Variants in DCPS observed in about 807,000 individuals in gnomAD.
The protein encoded by DCPS is decapping enzyme, scavenger.
DCPS carries 27 observed loss-of-function variants against 34.7 expected under a neutral mutation model. The ratio of observed to expected loss-of-function variants is 0.78; its 90% CI spans 0.57 to 1.07. The LOEUF (loss-of-function observed/expected upper bound fraction) is 1.07, where lower values mean the gene tolerates loss of function less well. Among genes scored for constraint, DCPS ranks in the 50% least tolerant of loss-of-function variants. The pLI is 0.00. For missense variants in DCPS, 464 were observed against 436.9 expected, an observed-to-expected ratio of 1.06 and a Z score of -0.55; for synonymous variants, 185 against 185.7, an observed-to-expected ratio of 1.00 and a Z score of 0.03.
In DCPS at chr11:126,335,736, G is replaced by A. The variant is rs1417411145; in HGVS notation, c.523-2550G>A. ...AGGTCAGGAGTTTGAGACCAGCCTGGCCAACATGACGCAACCCATCTCTAC... is the reference window on the plus strand; with the variant it reads ...AGGTCAGGAGTTTGAGACCAGCCTGACCAACATGACGCAACCCATCTCTAC... On this transcript the variant is annotated intron_variant, in intron 3 of 5. Transcript: ENST00000263579. This position sits in a 1 kb window ranked among gnomAD's most constrained non-coding sequence, Gnocchi z 4.8. Among the ~76,000 whole-genome samples, 1 of 152,182 alleles carries A rather than the reference G, an allele frequency of 6.6e-6. No individual in the cohort carries two copies. Among genetic ancestry groups the A allele is most frequent in the Non-Finnish European group, 1.5e-5 (1 of 68,044 alleles).
At chr11:126,316,645 C>T (rs1233584781) in intron 2 of DCPS, among the ~76,000 whole-genome samples, 1 of 75,928 alleles carries the variant, frequency 1.3e-5, no homozygotes, top group African/African-American at 8.5e-5. Context: ...AGCTGAAGTA[C>T]ATTTTTTTTT....
Position 126,325,509 on chromosome 11 carries a change from A to C in DCPS, c.377-5896A>C, listed in dbSNP as rs1315929219. ...TAGTAGAAGTTAAAAGTCAAGTAGG[A>C]ACAAGATATAAAAGTATAATTTAGA... On this transcript the variant is annotated intron_variant, in intron 2 of 5. Coordinates refer to ENST00000263579, the MANE Select transcript of DCPS (RefSeq NM_014026.6). This position sits in a 1 kb window ranked among gnomAD's most constrained non-coding sequence, Gnocchi z 4.3. Among the ~76,000 whole-genome samples the C allele has an allele frequency of 1.3e-5, 2 of 152,220 alleles. No individual in the cohort carries two copies. The highest frequency in any genetic ancestry group is 2.9e-5 in the Non-Finnish European group (2 of 68,036).
chr11:126,326,441 C>T (rs780604637), intron 2 of DCPS, among the ~76,000 whole-genome samples: 2 of 152,144 alleles, frequency 1.3e-5, no homozygotes, highest in African/African-American at 4.8e-5. Flanking sequence ...ATGTAAAATG[C>T]AATCATAATA....
In DCPS at chr11:126,315,343, T is replaced by C. The variant is rs550792299; in HGVS notation, c.376+8599T>C. ...GGGAGGCCGAGGCAGGTGGATCATTTGAGGTCAGGAGTTCGAGACCAGCCT... is the reference window on the plus strand; with the variant it reads ...GGGAGGCCGAGGCAGGTGGATCATTCGAGGTCAGGAGTTCGAGACCAGCCT... On this transcript the variant is annotated intron_variant, in intron 2 of 5. Transcript: ENST00000263579. This position sits in a 1 kb window ranked among gnomAD's most constrained non-coding sequence, Gnocchi z 6.1. Among the ~76,000 whole-genome samples the C allele has an allele frequency of 3.3e-5, 5 of 152,068 alleles. No homozygotes were observed. Among genetic ancestry groups the C allele is most frequent in the Non-Finnish European group, 7.3e-5 (5 of 68,028 alleles).
chr11:126,318,224 T>G (rs1215158520), intron 2 of DCPS, among the ~76,000 whole-genome samples: 3 of 152,226 alleles, frequency 2.0e-5, no homozygotes, highest in Non-Finnish European at 4.4e-5. Flanking sequence ...GTTAGAGGCT[T>G]GCTGTGGAGT....
chr11:126,310,407 C>CCAGG (rs1470027420), intron 2 of DCPS, among the ~76,000 whole-genome samples: 1 of 152,196 alleles, frequency 6.6e-6, no homozygotes, highest in Non-Finnish European at 1.5e-5. Flanking sequence ...GTCTCATGTG[C>CCAGG]CAGGCCCTAT....
intron 2 of DCPS, among the ~76,000 whole-genome samples, chr11:126,316,246 A>G (rs1951657649): frequency 6.6e-6 from 1 of 152,042 alleles, no homozygotes; most frequent in Non-Finnish European, 1.5e-5. Context: ...AAGCTTGTCC[A>G]ACCCGCAGCC....
In DCPS at chr11:126,344,957, T is replaced by G. The variant is rs1951905648; in HGVS notation, c.748-390T>G. On this transcript the variant is annotated intron_variant, in intron 5 of 5. Coordinates refer to ENST00000263579, the MANE Select transcript of DCPS (RefSeq NM_014026.6). The surrounding 1 kb of genome is among the most constrained non-coding windows in gnomAD (Gnocchi z 8.1). ...GGCTTCCTCCCATCCACTTCATGAC[T>G]GATGAAATGCTTCTAAATCATGAAA... 6.6e-6 allele frequency among the ~76,000 whole-genome samples: 1 copy of G among 152,206 alleles called. No homozygotes were observed. Among genetic ancestry groups the G allele is most frequent in the East Asian group, 1.9e-4 (1 of 5,192 alleles).
rs1951827795 is a variant in DCPS, at chr11:126,335,728, C to A, written c.523-2558C>A. 6.6e-6 allele frequency among the ~76,000 whole-genome samples: 1 copy of A among 152,190 alleles called. No individual in the cohort carries two copies. The highest frequency in any genetic ancestry group is 2.4e-5 in the African/African-American group (1 of 41,450). On this transcript the variant is annotated intron_variant, in intron 3 of 5. Coordinates refer to ENST00000263579, the MANE Select transcript of DCPS (RefSeq NM_014026.6). The surrounding 1 kb of genome is among the most constrained non-coding windows in gnomAD (Gnocchi z 4.8). ...TTCACTTGAGGTCAGGAGTTTGAGA[C>A]CAGCCTGGCCAACATGACGCAACCC...
At chr11:126,311,104 G>A (rs635686) in intron 2 of DCPS, among the ~76,000 whole-genome samples, 7 of 152,126 alleles carry the variant, frequency 4.6e-5, no homozygotes, top group African/African-American at 1.7e-4. Flanking sequence ...GAGGCTGCTC[G>A]TGTGAGCCAC....
At chr11:126,321,526 C>T (rs1338692583) in intron 2 of DCPS, among the ~76,000 whole-genome samples, 1 of 152,156 alleles carries the variant, frequency 6.6e-6, no homozygotes, top group African/African-American at 2.4e-5. Context: ...AAAACCTAAA[C>T]TATTGAGGTT....
chr11:126,343,489 C>G (rs1044673126), intron 5 of DCPS, 72 bp downstream of exon 5: 3 of 1,234,272 alleles, frequency 2.4e-6, no homozygotes, highest in Non-Finnish European at 2.3e-6. Context: ...TCCTGGGCCC[C>G]TTTCCTCACC....
chr11:126,336,115 C>CAAAA lies in DCPS; in HGVS notation c.523-2155_523-2152dup, dbSNP rs34762229. On this transcript the variant is annotated intron_variant, in intron 3 of 5. Transcript: ENST00000263579. The surrounding 1 kb of genome is among the most constrained non-coding windows in gnomAD (Gnocchi z 6.3). ...TGGGCGAAAGAGCAAGACTCCATCTCAAAAAAAAAAAAAAAAAAATGGCGA... is the reference window on the plus strand; with the variant it reads ...TGGGCGAAAGAGCAAGACTCCATCTCAAAAAAAAAAAAAAAAAAAAAAATGGCGA... Among the ~76,000 whole-genome samples the CAAAA allele has an allele frequency of 9.2e-6, 1 of 109,174 alleles. No homozygotes were observed. The highest frequency in any genetic ancestry group is 9.7e-5 in the Admixed American group (1 of 10,312). The allele number at this position is 109,174 out of a possible 152,430, so 71.6% of individuals were successfully genotyped here.
Position 126,343,372 on chromosome 11 carries a change from T to C in DCPS, c.702T>C (p.Thr234=). ...GCATCAGATCCCTACGCGACCTTAC[T>C]CCGGAGCACTTGCCGCTGCTCAGGA... ...RRGIRSLRDL[T]PEHLPLLRNI... is the part of the protein sequence containing the mutation. The change falls in exon 5 of 6, where the codon ACT becomes ACC. Residue 234 remains threonine, a synonymous_variant. Transcript: ENST00000263579. The C allele has an allele frequency of 6.2e-7, 1 of 1,613,986 alleles. No individual in the cohort carries two copies. Among genetic ancestry groups the C allele is most frequent in the Non-Finnish European group, 8.5e-7 (1 of 1,179,980 alleles).
rs1224393276 is a variant in DCPS at position 126,335,786 on chromosome 11, G to A, written c.523-2500G>A. On this transcript the variant is annotated intron_variant, in intron 3 of 5. Coordinates refer to ENST00000263579, the MANE Select transcript of DCPS (RefSeq NM_014026.6). The surrounding 1 kb of genome is among the most constrained non-coding windows in gnomAD (Gnocchi z 4.8). ...CTAAAAATACAAAAATTAGCTGGGT[G>A]TGGTGGCACACGCCTGTAATCCCAG... 1.3e-5 allele frequency among the ~76,000 whole-genome samples: 2 copies of A among 152,182 alleles called. No homozygotes were observed. The highest frequency in any genetic ancestry group is 2.9e-5 in the Non-Finnish European group (2 of 68,034).
In DCPS at chr11:126,312,369, C is replaced by G. The variant is rs943272177; in HGVS notation, c.376+5625C>G. ...TTTATTTATTTTTGGGGCAGAATCTCTCTCTGTCACCCAGGCTGGAGTGCA... is the reference window on the plus strand; with the variant it reads ...TTTATTTATTTTTGGGGCAGAATCTGTCTCTGTCACCCAGGCTGGAGTGCA... On this transcript the variant is annotated intron_variant, in intron 2 of 5. Coordinates refer to ENST00000263579, the MANE Select transcript of DCPS (RefSeq NM_014026.6). This position sits in a 1 kb window ranked among gnomAD's most constrained non-coding sequence, Gnocchi z 5.1. 6.6e-6 allele frequency among the ~76,000 whole-genome samples: 1 copy of G among 151,770 alleles called. No homozygotes were observed. The highest frequency in any genetic ancestry group is 2.4e-5 in the African/African-American group (1 of 41,288).
At position 126,338,140 on chromosome 11, in the gene DCPS, C is replaced by T. The variant is rs373434278; in HGVS notation, c.523-146C>T. 4.6e-4 allele frequency: 324 copies of T among 697,270 alleles called. 1 individual carries two copies. The African/African-American group carries it at 4.8e-3, about 10-fold the overall frequency. The allele number at this position is 697,270 out of a possible 1,614,324, so 43.2% of individuals were successfully genotyped here. A position where few individuals can be genotyped will look rare whatever the true frequency, so the allele number is the denominator to read the frequency against. On this transcript the variant is annotated intron_variant, in intron 3 of 5. Coordinates refer to ENST00000263579, the MANE Select transcript of DCPS (RefSeq NM_014026.6). The surrounding 1 kb of genome is among the most constrained non-coding windows in gnomAD (Gnocchi z 5.4). ...ACAGATGCTTGGGGACAGGGCAGCC[C>T]GGATGTAGATCCTCTGAGCGTGGCG... is the stretch of plus-strand genomic sequence containing the variant.
rs767224377 is a variant in DCPS, at chr11:126,338,420, T to C, written c.636+21T>C. ...AGCAGGTAAAGGTTTCTGGCTGGAA[T>C]GTCCTGATCTCTGGCCACCCTGCTG... On this transcript the variant is annotated intron_variant, in intron 4 of 5. Transcript: ENST00000263579. This position sits in a 1 kb window ranked among gnomAD's most constrained non-coding sequence, Gnocchi z 5.4. The C allele has an allele frequency of 5.0e-6, 8 of 1,608,024 alleles. No individual in the cohort carries two copies. Among genetic ancestry groups the C allele is most frequent in the Non-Finnish European group, 6.8e-6 (8 of 1,174,504 alleles).
rs1286706090 is a variant in DCPS at position 126,335,617 on chromosome 11, C to G, written c.523-2669C>G. ...CCCAGCGTGAACTTCCTTGCACTTG[C>G]ATTCTTCTTAACTGTAAAATGGGGA... On this transcript the variant is annotated intron_variant, in intron 3 of 5. Coordinates refer to ENST00000263579, the MANE Select transcript of DCPS (RefSeq NM_014026.6). The surrounding 1 kb of genome is among the most constrained non-coding windows in gnomAD (Gnocchi z 4.8). Among the ~76,000 whole-genome samples the G allele has an allele frequency of 6.6e-6, 1 of 152,180 alleles. No individual in the cohort carries two copies. The highest frequency in any genetic ancestry group is 1.5e-5 in the Non-Finnish European group (1 of 68,032).
Sources: allele counts gnomAD v4.1 joint callset (sites outside exome capture counted in the v4.1 genomes callset), GRCh38; gene constraint gnomAD v4.1.1; non-coding constraint Gnocchi (gnomAD v3.1); transcripts MANE v1.5; gene names NCBI Gene and HGNC (gene_info 2026-07-23, HGNC 2026-07-21).